DENND5B: variants seen among roughly 807,000 people sequenced by gnomAD.
DENND5B encodes DENN domain containing 5B, also known as DENN domain-containing protein 5B.
A neutral mutation model predicts 140.6 loss-of-function variants in DENND5B; 34 were observed. That is an observed-to-expected ratio of 0.24 (90% CI 0.18 to 0.32). DENND5B has a LOEUF of 0.32. Ranked by LOEUF, DENND5B falls within the 10% of genes least tolerant of loss-of-function variation. The pLI, the probability that DENND5B is intolerant of heterozygous loss-of-function variation, is 1.00. For missense variants in DENND5B, 1,142 were observed against 1,560.2 expected, an observed-to-expected ratio of 0.73 and a Z score of 4.52; for synonymous variants, 551 against 562.1, an observed-to-expected ratio of 0.98 and a Z score of 0.28.
intron 1 of DENND5B, among the ~76,000 whole-genome samples, chr12:31,525,270 C>A (rs1163778948): frequency 6.6e-6 from 1 of 151,958 alleles, no homozygotes; most frequent in Non-Finnish European, 1.5e-5. Context: ...TCATAATAGC[C>A]CAAAAGTAGA....
chr12:31,401,031 G>C (rs708210), intron 15 of DENND5B, among the ~76,000 whole-genome samples: 140,987 of 152,016 alleles, frequency 0.93, 65,838 homozygotes, highest in East Asian at 0.99. Context: ...TTAGTAGAGA[G>C]GGGGTTTCTT....
At position 31,426,748 on chromosome 12, in the gene DENND5B, A is replaced by G. The variant is rs75480032; in HGVS notation, c.2107-324T>C. On this transcript the variant is annotated intron_variant, in intron 8 of 20. Transcript: ENST00000389082. Reference sequence around the variant, plus strand: ...GTGAAGTCAGGACTGTGGTTGGGACAAAAAAATTTAGGTGTTTAGATCACA... The same window carrying G: ...GTGAAGTCAGGACTGTGGTTGGGACGAAAAAATTTAGGTGTTTAGATCACA... 1,519 of 229,598 alleles carry G rather than the reference A, an allele frequency of 6.6e-3. 27 individuals carry two copies. The highest frequency in any genetic ancestry group is 0.033 in the African/African-American group (1,423 of 43,312). The allele number at this position is 229,598 out of a possible 1,614,324, so 14.2% of individuals were successfully genotyped here.
At chr12:31,420,174 T>TAGA (rs1354227788) in intron 11 of DENND5B, 1 of 610,204 alleles carries the variant, frequency 1.6e-6, no homozygotes, top group Non-Finnish European at 2.0e-6. Flanking sequence ...TCACCCAAGC[T>TAGA]AGAGTGCAGT....
At chr12:31,573,572 A>T (rs1247965490) in intron 1 of DENND5B, among the ~76,000 whole-genome samples, 1 of 152,250 alleles carries the variant, frequency 6.6e-6, no homozygotes, top group Non-Finnish European at 1.5e-5. Flanking sequence ...TAGAGATTTC[A>T]TTCCAGGGAA....
intron 16 of DENND5B, among the ~76,000 whole-genome samples, chr12:31,398,750 T>C (rs889894658): frequency 2.6e-5 from 4 of 152,156 alleles, no homozygotes; most frequent in Non-Finnish European, 2.9e-5. Context: ...TTTTTTATTT[T>C]CTTTTTTTTC....
At chr12:31,555,606 T>C (rs1259398) in intron 1 of DENND5B, among the ~76,000 whole-genome samples, 124,271 of 152,192 alleles carry the variant, frequency 0.82, 51,070 homozygotes, top group African/African-American at 0.9. Context: ...TTTAAGTCTG[T>C]AGAGGTTACT....
intron 1 of DENND5B, among the ~76,000 whole-genome samples, chr12:31,556,958 C>T (rs578156270): frequency 3.1e-4 from 47 of 152,144 alleles, no homozygotes; most frequent in Admixed American, 9.8e-4. Flanking sequence ...CTCAATGCTG[C>T]TTAAAATAAC....
At chr12:31,389,563 C>G (rs1941019821) in intron 19 of DENND5B, 65 bp from the exon 20 acceptor site, 2 of 1,444,122 alleles carry the variant, frequency 1.4e-6, no homozygotes, top group Non-Finnish European at 1.9e-6. Context: ...AAAGATTCAT[C>G]ACTTAATTTA....
intron 12 of DENND5B, among the ~76,000 whole-genome samples, chr12:31,413,923 A>T (rs1942594387): frequency 6.6e-6 from 1 of 152,190 alleles, no homozygotes; most frequent in South Asian, 2.1e-4. Context: ...TGAATACTCA[A>T]GTTTCTTTTC....
chr12:31,524,063 T>TA (rs34718383), intron 1 of DENND5B, among the ~76,000 whole-genome samples: 5 of 150,276 alleles, frequency 3.3e-5, no homozygotes, highest in African/African-American at 4.9e-5. Context: ...TTTTTTTTTT[T>TA]AGATCATGTC....
intron 1 of DENND5B, among the ~76,000 whole-genome samples, chr12:31,564,561 CTAT>C (rs3074755): frequency 0.21 from 28,300 of 135,872 alleles, 2,887 homozygotes; most frequent in South Asian, 0.24. Flanking sequence ...TCTTTTCATT[CTAT>C]TATTATTATT....
intron 2 of DENND5B, among the ~76,000 whole-genome samples, chr12:31,482,030 T>G (rs1946090543): frequency 6.6e-6 from 1 of 152,112 alleles, no homozygotes; most frequent in Non-Finnish European, 1.5e-5. Flanking sequence ...TCCCACTGCT[T>G]AAAAACAAAA....
chr12:31,499,750 G>A, intron 1 of DENND5B: 3 of 1,180,788 alleles, frequency 2.5e-6, no homozygotes, highest in Non-Finnish European at 3.3e-6. Flanking sequence ...TTGAAGAATG[G>A]AAAATGAGAA....
chr12:31,508,586 A>G (rs1019667532), intron 1 of DENND5B, among the ~76,000 whole-genome samples: 9 of 152,220 alleles, frequency 5.9e-5, no homozygotes, highest in Non-Finnish European at 1.0e-4. Context: ...TCTTCCTGTA[A>G]GAATCAAACA....
intron 1 of DENND5B, among the ~76,000 whole-genome samples, chr12:31,505,818 T>C (rs933264138): frequency 6.6e-6 from 1 of 152,080 alleles, no homozygotes; most frequent in Non-Finnish European, 1.5e-5. Context: ...TTAAAGTTTA[T>C]TTTAATTAAT....
At chr12:31,538,363 T>C (rs1314744186) in intron 1 of DENND5B, among the ~76,000 whole-genome samples, 3 of 152,060 alleles carry the variant, frequency 2.0e-5, no homozygotes, top group Non-Finnish European at 4.4e-5. Context: ...ATAAGTGGAA[T>C]TATTGAAAAT....
chr12:31,389,494 T>C lies in DENND5B; in HGVS notation c.3471A>G (p.Lys1157=), dbSNP rs904141269. The C allele has an allele frequency of 6.3e-7, 1 of 1,578,574 alleles. No individual in the cohort carries two copies. Among genetic ancestry groups the C allele is most frequent in the South Asian group, 1.2e-5 (1 of 86,248 alleles). The part of the protein sequence containing the change: ...KNVFIWDFIE[K]VVAYFETTDQ... ...CAGTTGTTTCAAAATAAGCAACCAC[T>C]TTCTCTGAGGAAAAAAGTCAGAATT... The change falls in exon 20 of 21, where the codon AAA becomes AAG. Residue 1157 remains lysine (K), a synonymous_variant. Transcript: ENST00000389082.
chr12:31,547,626 G>A (rs1049928300), intron 1 of DENND5B, among the ~76,000 whole-genome samples: 1 of 152,054 alleles, frequency 6.6e-6, no homozygotes, highest in African/African-American at 2.4e-5. Context: ...TTGAAATTCT[G>A]ACCTCGTGAT....
At chr12:31,438,688 G>A (rs1451885783) in intron 7 of DENND5B, among the ~76,000 whole-genome samples, 2 of 151,840 alleles carry the variant, frequency 1.3e-5, no homozygotes, top group African/African-American at 4.8e-5. Flanking sequence ...CAAACAAAAT[G>A]TACAAAGACC....
Sources: allele counts gnomAD v4.1 joint callset (sites outside exome capture counted in the v4.1 genomes callset), GRCh38; gene constraint gnomAD v4.1.1; transcripts MANE v1.5; gene names NCBI Gene and HGNC (gene_info 2026-07-23, HGNC 2026-07-21).